The following FLRT2 variants were observed in gnomAD, a reference collection of about 807,000 sequenced individuals.
FLRT2 encodes fibronectin leucine rich transmembrane protein 2.
Under a neutral mutation model 40.0 loss-of-function variants are expected in FLRT2, and 15 were observed. The ratio of observed to expected loss-of-function variants is 0.38; its 90% confidence interval spans 0.25 to 0.58. The LOEUF is 0.58. Ranked by LOEUF, FLRT2 falls within the 20% of genes least tolerant of loss-of-function variation. The pLI is 0.71. For missense variants in FLRT2, 726 were observed against 840.0 expected (o/e 0.86, Z 1.68); for synonymous variants, 380 against 336.8 (o/e 1.13, Z -1.41).
intron 1 of FLRT2, among the ~76,000 whole-genome samples, chr14:85,583,089 T>TAGG (rs1302903341): frequency 6.6e-6 from 1 of 152,074 alleles, no homozygotes; most frequent in Non-Finnish European, 1.5e-5. Flanking sequence ...TGTGAAGGGT[T>TAGG]AGGACTCTAG....
intron 1 of FLRT2, among the ~76,000 whole-genome samples, chr14:85,591,043 G>A (rs1030550673): frequency 2.0e-5 from 3 of 152,116 alleles, no homozygotes; most frequent in African/African-American, 4.8e-5. Flanking sequence ...TTTTGGGAAA[G>A]CAAACACCAT....
chr14:85,588,562 A>G (rs1891740664), intron 1 of FLRT2, among the ~76,000 whole-genome samples: 2 of 152,114 alleles, frequency 1.3e-5, no homozygotes, highest in South Asian at 4.1e-4. Context: ...TGAAATAACC[A>G]CATCATGAGA....
intron 1 of FLRT2, among the ~76,000 whole-genome samples, chr14:85,592,337 G>C (rs187560946): frequency 1.0e-3 from 156 of 152,134 alleles, no homozygotes; most frequent in African/African-American, 3.4e-3. Context: ...GCAAATTGTG[G>C]GACACGTGGT....
rs1894005140 is a variant in FLRT2, at chr14:85,636,411, A to AAC, written c.*12915_*12916insCA. The AAC allele has an allele frequency of 6.7e-6, 1 of 148,568 alleles. No individual in the cohort carries two copies. The highest frequency in any genetic ancestry group is 1.5e-5 in the Non-Finnish European group (1 of 66,888). 9.2% of individuals were successfully genotyped at this position (148,568 alleles called of 1,614,324 possible). A position where few individuals can be genotyped will look rare whatever the true frequency, so the allele number is the denominator to read the frequency against. ...TGCAGAAAAAAAAAAAAAAAAAACA[A>AAC]AAAACATTCTTATTAATCTTAACTA... is the stretch of plus-strand genomic sequence containing the variant. On this transcript the variant is annotated 3_prime_UTR_variant, in exon 2 of 2. Coordinates refer to ENST00000330753, the MANE Select transcript of FLRT2 (RefSeq NM_013231.6).
chr14:85,613,283 T>C (rs376190779), intron 1 of FLRT2, among the ~76,000 whole-genome samples: 2 of 152,182 alleles, frequency 1.3e-5, no homozygotes, highest in East Asian at 1.9e-4. Flanking sequence ...ACCAAGTATG[T>C]TATGTTTCTG....
In FLRT2 at chr14:85,648,771, T is replaced by G. The variant is rs1894366323; in HGVS notation, c.*25274T>G. ...AGGACTCCACCAAGGATGCCAACTC[T>G]AAGTGGTCATTTACCTCTGTGATTG... On this transcript the variant is annotated 3_prime_UTR_variant, in exon 2 of 2. Coordinates refer to ENST00000330753, the MANE Select transcript of FLRT2 (RefSeq NM_013231.6). 1 of 152,152 alleles carries G rather than the reference T, an allele frequency of 6.6e-6. No individual in the cohort carries two copies. Among genetic ancestry groups the G allele is most frequent in the South Asian group, 2.1e-4 (1 of 4,832 alleles). 9.4% of individuals were successfully genotyped at this position (152,152 alleles called of 1,614,324 possible).
intron 1 of FLRT2, among the ~76,000 whole-genome samples, chr14:85,615,239 A>C (rs192694942): frequency 6.6e-6 from 1 of 152,288 alleles, no homozygotes; most frequent in East Asian, 1.9e-4. Flanking sequence ...GCAGTAGTGA[A>C]AGTGTCTTCA....
intron 1 of FLRT2, among the ~76,000 whole-genome samples, chr14:85,611,881 G>T (rs1380863453): frequency 1.5e-5 from 2 of 134,294 alleles, no homozygotes; most frequent in Non-Finnish European, 3.4e-5. Flanking sequence ...CTTTTCATGT[G>T]AGGGGAGAGA....
chr14:85,549,612 T>C (rs1042536359), intron 1 of FLRT2, among the ~76,000 whole-genome samples: 2 of 152,186 alleles, frequency 1.3e-5, no homozygotes, highest in Non-Finnish European at 2.9e-5. Context: ...GACTTCAGCA[T>C]GTTTCTTGGT....
chr14:85,571,436 G>T (rs1004925049), intron 1 of FLRT2, among the ~76,000 whole-genome samples: 73 of 152,306 alleles, frequency 4.8e-4, no homozygotes, highest in South Asian at 4.2e-4. Context: ...GTAACCAGTG[G>T]ATGGGGTGAT....
intron 1 of FLRT2, among the ~76,000 whole-genome samples, chr14:85,608,313 T>A: frequency 6.6e-6 from 1 of 151,856 alleles, no homozygotes; most frequent in Non-Finnish European, 1.5e-5. Context: ...CACTGCAGCC[T>A]CCACCTCCCG....
intron 1 of FLRT2, among the ~76,000 whole-genome samples, chr14:85,538,883 C>T (rs1888822170): frequency 6.6e-6 from 1 of 152,092 alleles, no homozygotes; most frequent in Non-Finnish European, 1.5e-5. Flanking sequence ...CTACATGTCA[C>T]GTTCATCAGA....
rs1244796081 is a variant in FLRT2, at chr14:85,649,380, CT to C, written c.*25886del. On this transcript the variant is annotated 3_prime_UTR_variant, in exon 2 of 2. Coordinates refer to ENST00000330753, the MANE Select transcript of FLRT2 (RefSeq NM_013231.6). ...ATCCATTGGTCTTTTGGTTTATGTG[CT>C]TTAATAATTTGAAAAACAAGAAGAT... 2 of 151,982 alleles carry C rather than the reference CT, an allele frequency of 1.3e-5. No homozygotes were observed. Among genetic ancestry groups the C allele is most frequent in the Non-Finnish European group, 2.9e-5 (2 of 67,972 alleles). The allele number at this position is 151,982 out of a possible 1,614,324, so 9.4% of individuals were successfully genotyped here. A position where few individuals can be genotyped will look rare whatever the true frequency, so the allele number is the denominator to read the frequency against.
chr14:85,606,379 A>G (rs530871255), intron 1 of FLRT2, among the ~76,000 whole-genome samples: 1 of 152,266 alleles, frequency 6.6e-6, no homozygotes, highest in African/African-American at 2.4e-5. Flanking sequence ...AAAGTTACTT[A>G]AACACTTGAC....
intron 1 of FLRT2, among the ~76,000 whole-genome samples, chr14:85,533,821 C>G (rs754525669): frequency 3.3e-5 from 5 of 151,606 alleles, no homozygotes; most frequent in Non-Finnish European, 7.4e-5. Context: ...GAGGCTCCGG[C>G]CTCCGCACCC....
At chr14:85,566,415 G>C (rs1276292820) in intron 1 of FLRT2, among the ~76,000 whole-genome samples, 1 of 152,110 alleles carries the variant, frequency 6.6e-6, no homozygotes, top group Non-Finnish European at 1.5e-5. Flanking sequence ...TGAAATCAGG[G>C]ACTGTTTTCT....
intron 1 of FLRT2, among the ~76,000 whole-genome samples, chr14:85,596,600 A>G (rs1892149750): frequency 6.6e-6 from 1 of 152,218 alleles, no homozygotes; most frequent in East Asian, 1.9e-4. Flanking sequence ...AAATAATTTC[A>G]GAGGTAGAGA....
Position 85,622,448 on chromosome 14 carries a change from T to C in FLRT2, c.934T>C (p.Trp312Arg). ...LKQLTARNNP[W>R]FCDCSIKWVT... Reference sequence around the variant, plus strand: ...GCAGCTCACTGCTCGGAATAACCCTTGGTTTTGTGACTGCAGTATTAAATG... The same window carrying C: ...GCAGCTCACTGCTCGGAATAACCCTCGGTTTTGTGACTGCAGTATTAAATG... Residue 312 changes from tryptophan (W) to arginine (R), a missense_variant, in exon 2 of 2, where the codon TGG (tryptophan) becomes CGG (arginine). Coordinates refer to ENST00000330753, the MANE Select transcript of FLRT2 (RefSeq NM_013231.6). 6.2e-7 allele frequency: 1 copy of C among 1,614,156 alleles called. No homozygotes were observed. Among genetic ancestry groups the C allele is most frequent in the Non-Finnish European group, 8.5e-7 (1 of 1,180,026 alleles).
At chr14:85,579,465 G>A (rs61992726) in intron 1 of FLRT2, among the ~76,000 whole-genome samples, 27,342 of 151,918 alleles carry the variant, frequency 0.18, 2,919 homozygotes, top group South Asian at 0.26. Flanking sequence ...TTTCATTTAT[G>A]CTTAGGTTAT....
Sources: allele counts gnomAD v4.1 joint callset (sites outside exome capture counted in the v4.1 genomes callset), GRCh38; gene constraint gnomAD v4.1.1; transcripts MANE v1.5; gene names NCBI Gene and HGNC (gene_info 2026-07-23, HGNC 2026-07-21).